LRP1B: variants seen among roughly 807,000 people sequenced by gnomAD.
LRP1B encodes the protein low-density lipoprotein receptor-related protein 1B.
Under a neutral mutation model 556.6 loss-of-function variants are expected in LRP1B, and 217 were observed. That is an observed-to-expected ratio of 0.39 (90% CI 0.35 to 0.44). The LOEUF (loss-of-function observed/expected upper bound fraction) is 0.44. Among genes scored for constraint, LRP1B ranks in the 20% least tolerant of loss-of-function variants. The pLI is 1.00. For missense variants in LRP1B, 5,053 were observed against 5,620.8 expected (o/e 0.90, Z 3.23); for synonymous variants, 2,047 against 1,865.8 (o/e 1.10, Z -2.50).
At chr2:141,697,999 C>T (rs991143835) in intron 2 of LRP1B, among the ~76,000 whole-genome samples, 12 of 151,854 alleles carry the variant, frequency 7.9e-5, no homozygotes, top group East Asian at 1.9e-4. Context: ...GTATTAAATA[C>T]GGTGAGGAGG....
At chr2:141,530,342 T>C (rs1450469330) in intron 2 of LRP1B, among the ~76,000 whole-genome samples, 2 of 152,216 alleles carry the variant, frequency 1.3e-5, no homozygotes, top group African/African-American at 4.8e-5. Flanking sequence ...ATCACCAAAG[T>C]GCATTTATTG....
intron 1 of LRP1B, among the ~76,000 whole-genome samples, chr2:142,003,123 T>C (rs1702705211): frequency 1.3e-5 from 2 of 152,230 alleles, no homozygotes; most frequent in Admixed American, 1.3e-4. Context: ...TGTATGGACA[T>C]GTAACATGTC....
At chr2:140,431,136 T>A (rs1052103763) in intron 66 of LRP1B, among the ~76,000 whole-genome samples, 5 of 152,148 alleles carry the variant, frequency 3.3e-5, no homozygotes, top group African/African-American at 1.2e-4. Flanking sequence ...CAAAGCATTT[T>A]TTCAGGCTTT....
intron 7 of LRP1B, among the ~76,000 whole-genome samples, chr2:141,116,937 C>T (rs1029314458): frequency 3.9e-5 from 6 of 152,060 alleles, no homozygotes; most frequent in African/African-American, 1.4e-4. Context: ...TTTTGCAACA[C>T]CCTGACCACT....
chr2:141,348,868 T>C (rs949463341), intron 3 of LRP1B, among the ~76,000 whole-genome samples: 1 of 152,026 alleles, frequency 6.6e-6, no homozygotes, highest in Non-Finnish European at 1.5e-5. Context: ...CTTCTCATGA[T>C]AGTAAATAAG....
intron 3 of LRP1B, among the ~76,000 whole-genome samples, chr2:141,468,988 G>A (rs548144842): frequency 6.6e-6 from 1 of 152,182 alleles, no homozygotes; most frequent in Non-Finnish European, 1.5e-5. Context: ...TGGGTTGTTG[G>A]ACCGGTTCTA....
At chr2:141,964,664 C>T (rs1055182211) in intron 1 of LRP1B, among the ~76,000 whole-genome samples, 2 of 150,150 alleles carry the variant, frequency 1.3e-5, no homozygotes, top group Admixed American at 1.3e-4. Flanking sequence ...CTAGGCATTA[C>T]CATTCAGGAC....
chr2:141,496,670 C>T (rs1057333573), intron 2 of LRP1B, among the ~76,000 whole-genome samples: 2 of 151,956 alleles, frequency 1.3e-5, no homozygotes, highest in Non-Finnish European at 2.9e-5. Flanking sequence ...ATGAATGAGT[C>T]TGTCTTTGGA....
At chr2:140,897,921 G>C (rs1256838841) in intron 23 of LRP1B, among the ~76,000 whole-genome samples, 1 of 152,126 alleles carries the variant, frequency 6.6e-6, no homozygotes, top group Non-Finnish European at 1.5e-5. Flanking sequence ...CTATGATTGT[G>C]TGAGTCTGTT....
At chr2:140,888,578 AC>A (rs59399863) in intron 23 of LRP1B, among the ~76,000 whole-genome samples, 78,901 of 151,438 alleles carry the variant, frequency 0.52, 22,212 homozygotes, top group Middle Eastern at 0.64. Flanking sequence ...AAAATAAAAA[AC>A]AGATGAGTAA....
chr2:140,382,279 T>C (rs1431156684), intron 67 of LRP1B, among the ~76,000 whole-genome samples: 1 of 152,174 alleles, frequency 6.6e-6, no homozygotes, highest in Non-Finnish European at 1.5e-5. Context: ...TGTCTCTCTA[T>C]GTAAACCTTA....
At chr2:141,879,468 T>C (rs1189754044) in intron 1 of LRP1B, among the ~76,000 whole-genome samples, 2 of 151,944 alleles carry the variant, frequency 1.3e-5, no homozygotes, top group Non-Finnish European at 2.9e-5. Context: ...TTTTTAAAAA[T>C]AGTAAATTCA....
rs540943622 is a variant in LRP1B, at chr2:141,524,103, C to T, written c.206-43570G>A. 2.7e-3 allele frequency among the ~76,000 whole-genome samples: 416 copies of T among 152,164 alleles called. 4 individuals carry two copies. The highest frequency in any genetic ancestry group is 8.0e-3 in the African/African-American group (332 of 41,532). On this transcript the variant is annotated intron_variant, in intron 2 of 90. Coordinates refer to ENST00000389484, the MANE Select transcript of LRP1B (RefSeq NM_018557.3). ...TAAGGGCACTTAAAGTATCTTATAG[C>T]TTTTAGTGAACTTAACTTTCCTCCA...
At chr2:141,490,397 G>GTGTT (rs1683289056) in intron 2 of LRP1B, among the ~76,000 whole-genome samples, 1 of 151,854 alleles carries the variant, frequency 6.6e-6, no homozygotes, top group Non-Finnish European at 1.5e-5. Flanking sequence ...GTGTGTGTGT[G>GTGTT]TGTTTTCTGC....
chr2:142,036,071 T>C (rs1441975772), intron 1 of LRP1B, among the ~76,000 whole-genome samples: 1 of 151,668 alleles, frequency 6.6e-6, no homozygotes, highest in Non-Finnish European at 1.5e-5. Flanking sequence ...ATTAAACCTT[T>C]CTCTTCCCAG....
At chr2:141,044,964 G>T (rs7577071) in intron 11 of LRP1B, among the ~76,000 whole-genome samples, 148,408 of 150,324 alleles carry the variant, frequency 0.99, 73,294 homozygotes, top group Middle Eastern at 1. Context: ...TAAAGACACA[G>T]GCACACGTAT....
intron 2 of LRP1B, among the ~76,000 whole-genome samples, chr2:141,704,146 A>G (rs1357670226): frequency 6.6e-6 from 1 of 151,938 alleles, no homozygotes; most frequent in East Asian, 1.9e-4. Flanking sequence ...AAGTAATATA[A>G]TGTTCTTGGT....
chr2:142,062,212 T>G (rs1225622231), intron 1 of LRP1B, among the ~76,000 whole-genome samples: 3 of 151,792 alleles, frequency 2.0e-5, no homozygotes, highest in Non-Finnish European at 4.4e-5. Flanking sequence ...TCCACATGCT[T>G]AGAAAACAAG....
intron 20 of LRP1B, among the ~76,000 whole-genome samples, chr2:140,947,319 T>A (rs1364669726): frequency 1.3e-5 from 2 of 152,320 alleles, no homozygotes; most frequent in African/African-American, 4.8e-5. Context: ...AAAAGTCAAT[T>A]TAAGTGTATT....
Sources: allele counts gnomAD v4.1 joint callset (sites outside exome capture counted in the v4.1 genomes callset), GRCh38; gene constraint gnomAD v4.1.1; transcripts MANE v1.5; gene names NCBI Gene and HGNC (gene_info 2026-07-23, HGNC 2026-07-21).